The following CAMK2N1 variants were observed in gnomAD, a reference collection of about 807,000 sequenced individuals.
CAMK2N1 encodes the protein calcium/calmodulin dependent protein kinase II inhibitor 1.
A neutral mutation model predicts 6.4 loss-of-function variants in CAMK2N1; 2 were observed. The ratio of observed to expected loss-of-function variants is 0.31; its 90% confidence interval spans 0.13 to 0.98. The LOEUF (loss-of-function observed/expected upper bound fraction) is 0.98. Ranked by LOEUF, CAMK2N1 falls within the 50% of genes least tolerant of loss-of-function variation. The probability of loss-of-function intolerance (pLI) is 0.51; values close to 1 mark genes in which losing one functional copy is unlikely to be tolerated. For synonymous variants in CAMK2N1, 42 were observed against 47.5 expected (o/e 0.88, Z 0.47); for missense variants, 77 against 107.3 (o/e 0.72, Z 1.25).
At position 20,483,738 on chromosome 1, in the gene CAMK2N1, A is replaced by G. The variant is rs1247457492; in HGVS notation, c.167-19T>C. On this transcript the variant is annotated intron_variant, in intron 1 of 1. Transcript: ENST00000375078. ...ATAACAACTGCAAAAAAAGGGGGGA[A>G]AAGAGAGGTGAGCGCGCTGGGGCCT... 3 of 1,612,228 alleles carry G rather than the reference A, an allele frequency of 1.9e-6. No homozygotes were observed. In the Admixed American group the frequency reaches 5.0e-5, roughly 27 times the overall value.
rs1271138994 is a variant in CAMK2N1, at chr1:20,482,732, AC to A, written c.*916del. 1 of 152,452 alleles carries A rather than the reference AC, an allele frequency of 6.6e-6. No homozygotes were observed. Among genetic ancestry groups the A allele is most frequent in the Admixed American group, 6.5e-5 (1 of 15,276 alleles). 9.4% of individuals were successfully genotyped at this position (152,452 alleles called of 1,614,324 possible). On this transcript the variant is annotated 3_prime_UTR_variant, in exon 2 of 2. Transcript: ENST00000375078. ...CAAGATATTTGGCACTCTTGTGATT[AC>A]ATTTTTTTACAGTCCATTAAAGAGA...
At position 20,484,067 on chromosome 1, in the gene CAMK2N1, G is replaced by A. The variant is rs1357362433; in HGVS notation, c.167-348C>T. Among the ~76,000 whole-genome samples the A allele has an allele frequency of 6.6e-6, 1 of 152,236 alleles. No individual in the cohort carries two copies. Among genetic ancestry groups the A allele is most frequent in the Non-Finnish European group, 1.5e-5 (1 of 68,038 alleles). On this transcript the variant is annotated intron_variant, in intron 1 of 1. Coordinates refer to ENST00000375078, the MANE Select transcript of CAMK2N1 (RefSeq NM_018584.6). The surrounding 1 kb of genome is among the most constrained non-coding windows in gnomAD (Gnocchi z 6.8). ...TTTAGACAGAAATGTCTGGAGCTGG[G>A]ATAGGAGAGGGAGCCAAAGTCTTTG...
At position 20,485,172 on chromosome 1, in the gene CAMK2N1, G is replaced by A; in HGVS notation, c.166+42C>T. ...CCGCAACCCTTGTTCAGGCCGCGGC[G>A]CGGGAAAAAGGGGGTGTCAGACAAG... On this transcript the variant is annotated intron_variant, in intron 1 of 1. Transcript: ENST00000375078. The surrounding 1 kb of genome is among the most constrained non-coding windows in gnomAD (Gnocchi z 8.4). 2 of 1,559,494 alleles carry A rather than the reference G, an allele frequency of 1.3e-6. No homozygotes were observed. The highest frequency in any genetic ancestry group is 1.7e-6 in the Non-Finnish European group (2 of 1,156,640).
chr1:20,485,510 C>G lies in CAMK2N1; in HGVS notation c.-131G>C. 7.1e-6 allele frequency: 4 copies of G among 563,462 alleles called. No homozygotes were observed. The highest frequency in any genetic ancestry group is 9.0e-6 in the Non-Finnish European group (4 of 446,388). 34.9% of individuals were successfully genotyped at this position (563,462 alleles called of 1,614,324 possible). The stretch of plus-strand genomic sequence containing the variant: ...CCGCGGGCTGCTGCGGCGGTGGCGC[C>G]GGCGAGAGGCCGGGGGACGCCGCTA... On this transcript the variant is annotated 5_prime_UTR_variant, in exon 1 of 2. Transcript: ENST00000375078. This position sits in a 1 kb window ranked among gnomAD's most constrained non-coding sequence, Gnocchi z 8.4.
In CAMK2N1 at chr1:20,483,445, C is replaced by T; in HGVS notation, c.*204G>A. On this transcript the variant is annotated 3_prime_UTR_variant, in exon 2 of 2. Coordinates refer to ENST00000375078, the MANE Select transcript of CAMK2N1 (RefSeq NM_018584.6). Reference sequence around the variant, plus strand: ...ATTTATTTTTTTATTTTTATTTTTGCAGAGGAGCCCAGAGCCTTCTCCTCC... The same window carrying T: ...ATTTATTTTTTTATTTTTATTTTTGTAGAGGAGCCCAGAGCCTTCTCCTCC... 2.6e-6 allele frequency: 1 copy of T among 391,114 alleles called. No homozygotes were observed. 24.2% of individuals were successfully genotyped at this position (391,114 alleles called of 1,614,324 possible). A position where few individuals can be genotyped will look rare whatever the true frequency, so the allele number is the denominator to read the frequency against.
Position 20,482,991 on chromosome 1 carries a change from C to A in CAMK2N1, c.*658G>T, listed in dbSNP as rs552803011. On this transcript the variant is annotated 3_prime_UTR_variant, in exon 2 of 2. Coordinates refer to ENST00000375078, the MANE Select transcript of CAMK2N1 (RefSeq NM_018584.6). ...TTTACAACTCATTTTAAAATAAAAT[C>A]TTTTCTATGTATCATTCCTTAGAAA... is the stretch of plus-strand genomic sequence containing the variant. 3 of 151,984 alleles carry A rather than the reference C, an allele frequency of 2.0e-5. No homozygotes were observed. The highest frequency in any genetic ancestry group is 2.1e-4 in the South Asian group (1 of 4,816). 9.4% of individuals were successfully genotyped at this position (151,984 alleles called of 1,614,324 possible).
chr1:20,485,068 G>T lies in CAMK2N1; in HGVS notation c.166+146C>A. 1.0e-6 allele frequency: 1 copy of T among 959,322 alleles called. No individual in the cohort carries two copies. Among genetic ancestry groups the T allele is most frequent in the Non-Finnish European group, 1.4e-6 (1 of 691,282 alleles). The allele number at this position is 959,322 out of a possible 1,614,324, so 59.4% of individuals were successfully genotyped here. The stretch of plus-strand genomic sequence containing the variant: ...GCGTTCCTGCGACCCGCTTCAGCCG[G>T]ACCCGCAGTGCGGGATCCCCCAATT... On this transcript the variant is annotated intron_variant, in intron 1 of 1. Transcript: ENST00000375078. The surrounding 1 kb of genome is among the most constrained non-coding windows in gnomAD (Gnocchi z 8.4).
rs893558881 is a variant in CAMK2N1 at position 20,484,216 on chromosome 1, G to A, written c.167-497C>T. Reference sequence around the variant, plus strand: ...ACGACGCGCAGCGGGTGGGGGTTAGGGCCTGGCCTGGGCGGGCGCCCCCTC... The same window carrying A: ...ACGACGCGCAGCGGGTGGGGGTTAGAGCCTGGCCTGGGCGGGCGCCCCCTC... On this transcript the variant is annotated intron_variant, in intron 1 of 1. Transcript: ENST00000375078. This position sits in a 1 kb window ranked among gnomAD's most constrained non-coding sequence, Gnocchi z 6.8. 2.6e-5 allele frequency among the ~76,000 whole-genome samples: 4 copies of A among 152,158 alleles called. No individual in the cohort carries two copies. The highest frequency in any genetic ancestry group is 1.3e-4 in the Admixed American group (2 of 15,284).
Position 20,483,537 on chromosome 1 carries a change from G to T in CAMK2N1, c.*112C>A. 1.1e-6 allele frequency: 1 copy of T among 917,832 alleles called. No individual in the cohort carries two copies. The allele number at this position is 917,832 out of a possible 1,614,324, so 56.9% of individuals were successfully genotyped here. The stretch of plus-strand genomic sequence containing the variant: ...CCAGATACAGGTTGTTGATTTCATC[G>T]TGGGTAGCAAGCTAGTAATAAATTT... On this transcript the variant is annotated 3_prime_UTR_variant, in exon 2 of 2. Transcript: ENST00000375078.
At position 20,483,688 on chromosome 1, in the gene CAMK2N1, C is replaced by T. The variant is rs1384531594; in HGVS notation, c.198G>A (p.Val66=). The T allele has an allele frequency of 6.2e-7, 1 of 1,614,110 alleles. No individual in the cohort carries two copies. Among genetic ancestry groups the T allele is most frequent in the South Asian group, 1.1e-5 (1 of 91,086 alleles). ...GTGCCTTGTCGGTCATATTTTTCAG[C>T]ACGTCATCAATCCTATCATCTTCAA... ...VVIEDDRIDD[V]LKNMTDKAPP... The change falls in exon 2 of 2, where the codon GTG becomes GTA. Residue 66 remains valine, a synonymous_variant. Transcript: ENST00000375078.
rs1309183049 is a variant in CAMK2N1 at position 20,486,200 on chromosome 1, CGAG to C, written c.-824_-822del. 1 of 146,120 alleles carries C rather than the reference CGAG, an allele frequency of 6.8e-6. No individual in the cohort carries two copies. The allele number at this position is 146,120 out of a possible 1,614,324, so 9.1% of individuals were successfully genotyped here. Reference sequence around the variant, plus strand: ...CAGGGATAGAGGAGGCAGCGAGCTGCGAGGAGAAATGCCGGCCGCGGCGCCGAG... The same window carrying C: ...CAGGGATAGAGGAGGCAGCGAGCTGCGAGAAATGCCGGCCGCGGCGCCGAG... On this transcript the variant is annotated 5_prime_UTR_variant, in exon 1 of 2. Coordinates refer to ENST00000375078, the MANE Select transcript of CAMK2N1 (RefSeq NM_018584.6). The surrounding 1 kb of genome is among the most constrained non-coding windows in gnomAD (Gnocchi z 6.5).
At chr1:20,483,814 G>A in intron 1 of CAMK2N1, 95 bp from the exon 2 acceptor site, 2 of 1,124,732 alleles carry the variant, frequency 1.8e-6, no homozygotes, top group Non-Finnish European at 2.7e-6. Flanking sequence ...GAGGTCGGGA[G>A]AGGAGAGGGC....
chr1:20,482,602 T>C lies in CAMK2N1; in HGVS notation c.*1047A>G, dbSNP rs1468062390. 1.3e-5 allele frequency: 2 copies of C among 152,616 alleles called. No homozygotes were observed. The highest frequency in any genetic ancestry group is 1.9e-4 in the East Asian group (1 of 5,192). 9.5% of individuals were successfully genotyped at this position (152,616 alleles called of 1,614,324 possible). On this transcript the variant is annotated 3_prime_UTR_variant, in exon 2 of 2. Coordinates refer to ENST00000375078, the MANE Select transcript of CAMK2N1 (RefSeq NM_018584.6). ...AATACCATGCAAAACAGGCAGCTGGTGTGCCTTAAGAGAATCCCTATAAAT... is the reference window on the plus strand; with the variant it reads ...AATACCATGCAAAACAGGCAGCTGGCGTGCCTTAAGAGAATCCCTATAAAT...
In CAMK2N1 at chr1:20,485,278, G is replaced by T; in HGVS notation, c.102C>A (p.Asn34Lys). 1 of 1,599,266 alleles carries T rather than the reference G, an allele frequency of 6.3e-7. No homozygotes were observed. Reference sequence around the variant, plus strand: ...GCTTGTTCTGCCCGGCGCCGAAGAAGTTGTTGGTGTCCTGCAGGCGGCAGG... The same window carrying T: ...GCTTGTTCTGCCCGGCGCCGAAGAATTTGTTGGTGTCCTGCAGGCGGCAGG... ...IFSCRLQDTN[N>K]FFGAGQNKRP... Residue 34 changes from asparagine (N) to lysine (K), a missense_variant, in exon 1 of 2, where the codon AAC (asparagine) becomes AAA (lysine). Asn to Lys is a moderately conservative substitution (Grantham distance 94). Transcript: ENST00000375078. This position sits in a 1 kb window ranked among gnomAD's most constrained non-coding sequence, Gnocchi z 8.4.
chr1:20,483,851 A>C, intron 1 of CAMK2N1, 132 bp from the exon 2 acceptor site: 1 of 751,102 alleles, frequency 1.3e-6, no homozygotes, highest in South Asian at 1.5e-5. Flanking sequence ...CTGCGCGGTG[A>C]AACAGCTCCA....
chr1:20,483,582 A>G lies in CAMK2N1; in HGVS notation c.*67T>C, dbSNP rs2051485685. On this transcript the variant is annotated 3_prime_UTR_variant, in exon 2 of 2. Coordinates refer to ENST00000375078, the MANE Select transcript of CAMK2N1 (RefSeq NM_018584.6). ...AAATTTCAAAGTGCTTTCTCTTTTC[A>G]TGCTTTTTGCCAATAACTGTTACCG... 1.4e-6 allele frequency: 2 copies of G among 1,379,438 alleles called. No individual in the cohort carries two copies. Among genetic ancestry groups the G allele is most frequent in the South Asian group, 2.3e-5 (2 of 85,580 alleles). 85.4% of individuals were successfully genotyped at this position (1,379,438 alleles called of 1,614,324 possible). A position where few individuals can be genotyped will look rare whatever the true frequency, so the allele number is the denominator to read the frequency against.
At position 20,485,154 on chromosome 1, in the gene CAMK2N1, C is replaced by T. The variant is rs2051500291; in HGVS notation, c.166+60G>A. 3.9e-6 allele frequency: 6 copies of T among 1,525,204 alleles called. No individual in the cohort carries two copies. The highest frequency in any genetic ancestry group is 5.3e-6 in the Non-Finnish European group (6 of 1,138,538). 94.5% of individuals were successfully genotyped at this position (1,525,204 alleles called of 1,614,324 possible). A position where few individuals can be genotyped will look rare whatever the true frequency, so the allele number is the denominator to read the frequency against. On this transcript the variant is annotated intron_variant, in intron 1 of 1. Coordinates refer to ENST00000375078, the MANE Select transcript of CAMK2N1 (RefSeq NM_018584.6). This position sits in a 1 kb window ranked among gnomAD's most constrained non-coding sequence, Gnocchi z 8.4. ...CCAGCGGGTGGGAGACCTCCGCAAC[C>T]CTTGTTCAGGCCGCGGCGCGGGAAA... is the stretch of plus-strand genomic sequence containing the variant.
In CAMK2N1 at chr1:20,483,647, AG is replaced by A. The variant is rs2051486357; in HGVS notation, c.*1del. 6 of 1,610,540 alleles carry A rather than the reference AG, an allele frequency of 3.7e-6. No homozygotes were observed. Among genetic ancestry groups the A allele is most frequent in the African/African-American group, 1.3e-5 (1 of 74,848 alleles). On this transcript the variant is annotated 3_prime_UTR_variant, in exon 2 of 2. Coordinates refer to ENST00000375078, the MANE Select transcript of CAMK2N1 (RefSeq NM_018584.6). ...TCCCTTAACTCATTGTCTTTGGGGG[AG>A]TTAGACACCAGGAGGTGCCTTGTCG...
At chr1:20,483,813 A>G (rs2101104829) in intron 1 of CAMK2N1, 94 bp from the exon 2 acceptor site, 2 of 1,139,320 alleles carry the variant, frequency 1.8e-6, no homozygotes, top group East Asian at 4.7e-5. Context: ...GGAGGTCGGG[A>G]GAGGAGAGGG....
Sources: gnomAD v4.1 joint callset for allele counts (sites outside exome capture counted in the v4.1 genomes callset) on GRCh38, gnomAD v4.1.1 for gene constraint, Gnocchi (gnomAD v3.1) non-coding constraint, MANE v1.5 for transcripts, NCBI Gene and HGNC (gene_info 2026-07-23, HGNC 2026-07-21) for gene names.